SLC22A31: variants seen among roughly 807,000 people sequenced by gnomAD.
The protein encoded by SLC22A31 is putative solute carrier family 22 member 31.
SLC22A31 carries 42 observed loss-of-function variants against 27.4 expected under a neutral mutation model. The ratio of observed to expected loss-of-function variants is 1.53; its 90% CI spans 1.20 to 1.98. The LOEUF is 1.98. Among genes scored for constraint, SLC22A31 ranks in the 30% most tolerant of loss-of-function variants. The pLI is 0.00. For synonymous variants in SLC22A31, 290 were observed against 230.8 expected, an observed-to-expected ratio of 1.26 and a Z score of -2.33; for missense variants, 593 against 479.9, an observed-to-expected ratio of 1.24 and a Z score of -2.20.
chr16:89,200,144 T>A, intron 1 of SLC22A31: 1 of 225,360 alleles, frequency 4.4e-6, no homozygotes, highest in Non-Finnish European at 8.6e-6. Flanking sequence ...TTCCACCTCC[T>A]ATTCCGAGGG....
Position 89,198,298 on chromosome 16 carries a change from C to T in SLC22A31, c.746G>A (p.Ser249Asn). ...GAAGGTCGGCACCTGAGGTGCCAGG[C>T]TGCGGCGGAAGCTAGCTCTGATGCC... ...GGGIRASFRR[S>N]LAPQVPTFYL... The change falls in exon 7 of 9, where the codon AGC becomes AAC. Residue 249 changes from serine (S) to asparagine (N), a missense_variant. By Grantham distance (46) the Ser-to-Asn change is conservative. Transcript: ENST00000682282. 3.3e-6 allele frequency: 5 copies of T among 1,535,942 alleles called. No individual in the cohort carries two copies. Among genetic ancestry groups the T allele is most frequent in the Non-Finnish European group, 4.4e-6 (5 of 1,146,902 alleles).
rs752089785 is a variant in SLC22A31 at position 89,197,324 on chromosome 16, C to G, written c.1008G>C (p.Ala336=). 2.6e-6 allele frequency: 4 copies of G among 1,535,784 alleles called. No homozygotes were observed. In the South Asian group the frequency reaches 3.6e-5, roughly 14 times the overall value. ...TGATCACCGTGGGGAAGACCTCGGC[C>G]GCGAAGAGGCTGCTGAGTGCGGACA... is the stretch of plus-strand genomic sequence containing the variant. The part of the protein sequence containing the change: ...RAVSALSSLF[A]AEVFPTVIRG... The change falls in exon 8 of 9, where the codon GCG becomes GCC. Residue 336 remains alanine (A), a synonymous_variant. Coordinates refer to ENST00000682282, the MANE Select transcript of SLC22A31 (RefSeq NM_001384763.1).
upstream of SLC22A31, chr16:89,201,051 T>G: frequency 2.8e-6 from 1 of 362,170 alleles, no homozygotes; most frequent in East Asian, 4.1e-5. Context: ...CAGGCCCAGA[T>G]TCAGCCCCCG....
chr16:89,197,128 C>T (rs1916019419), intron 8 of SLC22A31, among the ~76,000 whole-genome samples, 170 bp downstream of exon 8: 1 of 152,078 alleles, frequency 6.6e-6, no homozygotes, highest in South Asian at 2.1e-4. Context: ...AGCAGTGGCC[C>T]CCACCATCCA....
upstream of SLC22A31, chr16:89,201,676 T>G (rs1392942499): frequency 5.1e-6 from 2 of 393,892 alleles, no homozygotes; most frequent in African/African-American, 2.1e-5. Context: ...GGTCGCAGGC[T>G]GCGCTCGGGA....
rs2151613970 is a variant in SLC22A31, at chr16:89,199,111, G to A, written c.364C>T (p.Leu122=). Residue 122 remains leucine (L), a synonymous_variant, in exon 4 of 9, where the codon CTG becomes TTG. Transcript: ENST00000682282. The stretch of plus-strand genomic sequence containing the variant: ...TGCACAAGCGCAGCCAGGCCGGGCA[G>A]CAGCAGGGTGCCCACCACCGAGAAA... ...GLFSVVGTLL[L]PGLAALVQDW... 4 of 1,534,718 alleles carry A rather than the reference G, an allele frequency of 2.6e-6. No individual in the cohort carries two copies. Among genetic ancestry groups the A allele is most frequent in the Non-Finnish European group, 3.5e-6 (4 of 1,146,416 alleles).
At position 89,199,543 on chromosome 16, in the gene SLC22A31, C is replaced by A; in HGVS notation, c.153G>T (p.Val51=). 1 of 447,842 alleles carries A rather than the reference C, an allele frequency of 2.2e-6. No individual in the cohort carries two copies. Among genetic ancestry groups the A allele is most frequent in the African/African-American group, 2.0e-5 (1 of 50,954 alleles). 27.7% of individuals were successfully genotyped at this position (447,842 alleles called of 1,614,324 possible). A position where few individuals can be genotyped will look rare whatever the true frequency, so the allele number is the denominator to read the frequency against. ...GGCCTGTGGTCAGCACCAGGGAGGC[C>A]ACAAAAACTGCCCGGCGTCCAAACC... ...CDRFGRRAVF[V]ASLVLTTGLG... Residue 51 remains valine, a synonymous_variant, in exon 3 of 9, where the codon GTG becomes GTT. Transcript: ENST00000682282.
In SLC22A31 at chr16:89,200,471, A is replaced by T. The variant is rs1916477116; in HGVS notation, c.24+7T>A. Among the ~76,000 whole-genome samples the T allele has an allele frequency of 2.0e-5, 3 of 152,010 alleles. No individual in the cohort carries two copies. Among genetic ancestry groups the T allele is most frequent in the Admixed American group, 1.3e-4 (2 of 15,264 alleles). ...GCTATGCCCGAGATTTTACTTTCAA[A>T]CCTGACGTTTTGGGAAAGCTGATGG... On this transcript the variant is annotated splice_region_variant and intron_variant, in intron 1 of 8. Transcript: ENST00000682282.
At position 89,198,741 on chromosome 16, in the gene SLC22A31, G is replaced by A. The variant is rs1210842769; in HGVS notation, c.509C>T (p.Ala170Val). The A allele has an allele frequency of 6.5e-7, 1 of 1,535,660 alleles. No homozygotes were observed. Among genetic ancestry groups the A allele is most frequent in the African/African-American group, 1.4e-5 (1 of 73,046 alleles). The change falls in exon 5 of 9, where the codon GCT becomes GTT. Residue 170 changes from alanine (A) to valine (V), a missense_variant. Transcript: ENST00000682282. The stretch of plus-strand genomic sequence containing the variant: ...GCGCCACAGGATCTTCCTGGCTCGA[G>A]CTACCTGACCTGTGGCCAGCAGCCA... The part of the protein sequence containing the change: ...PCWLLATGQV[A>V]RARKILWRFA...
chr16:89,198,806 T>C lies in SLC22A31; in HGVS notation c.453-9A>G. The C allele has an allele frequency of 2.0e-6, 3 of 1,524,686 alleles. No homozygotes were observed. The highest frequency in any genetic ancestry group is 8.8e-7 in the Non-Finnish European group (1 of 1,138,022). 94.4% of individuals were successfully genotyped at this position (1,524,686 alleles called of 1,614,324 possible). A position where few individuals can be genotyped will look rare whatever the true frequency, so the allele number is the denominator to read the frequency against. ...GGAACAGGGCCGGGAACCTGCAGCG[T>C]TGGTGAGGATGCCCACGGCTCCCTC... On this transcript the variant is annotated splice_polypyrimidine_tract_variant and intron_variant, in intron 4 of 8. Transcript: ENST00000682282.
rs1399668868 is a variant in SLC22A31 at position 89,196,458 on chromosome 16, G to C, written c.1035-153C>G. 5.5e-5 allele frequency: 67 copies of C among 1,218,780 alleles called. 1 individual carries two copies. The South Asian group carries it at 6.8e-4, about 12-fold the overall frequency. The allele number at this position is 1,218,780 out of a possible 1,614,324, so 75.5% of individuals were successfully genotyped here. Reference sequence around the variant, plus strand: ...ACCCGGCCCCCAGCACCAGGCCCAGGCCGGCCCCTCTGTGGGAGAGAGTGC... The same window carrying C: ...ACCCGGCCCCCAGCACCAGGCCCAGCCCGGCCCCTCTGTGGGAGAGAGTGC... On this transcript the variant is annotated intron_variant, in intron 8 of 8. Coordinates refer to ENST00000682282, the MANE Select transcript of SLC22A31 (RefSeq NM_001384763.1).
At position 89,197,368 on chromosome 16, in the gene SLC22A31, G is replaced by GTC. The variant is rs1056906851; in HGVS notation, c.963_964insGA (p.Leu322AspfsTer23). On this transcript the variant is annotated frameshift_variant, in exon 8 of 9. Transcript: ENST00000682282. LOFTEE classifies it high-confidence loss of function. Reference sequence around the variant, plus strand: ...GCGGACACAGCCCGGGAGGCCAGGAGCCCCAGGACAGAGAGGAACAGCACA... The same window carrying GTC: ...GCGGACACAGCCCGGGAGGCCAGGAGTCCCCCAGGACAGAGAGGAACAGCACA... The GTC allele has an allele frequency of 5.2e-6, 8 of 1,535,762 alleles. No individual in the cohort carries two copies. The African/African-American group carries it at 8.2e-5, about 16-fold the overall frequency.
intron 3 of SLC22A31, 73 bp downstream of exon 3, chr16:89,199,335 CCTCGG>C: frequency 3.5e-6 from 3 of 854,336 alleles, no homozygotes; most frequent in Non-Finnish European, 5.2e-6. Context: ...AGCTCGGGGC[CCTCGG>C]CAAGGGAGCC....
chr16:89,196,087 A>AGTGGGGAGC lies in SLC22A31; in HGVS notation c.1244_1252dup (p.Arg415_Pro417dup). ...GTCCTGGCGGGGGCGGCCCCGCAGG[A>AGTGGGGAGC]GTGGGGAGCGGCGCAGGCGGTCGGC... is the stretch of plus-strand genomic sequence containing the variant. On this transcript the variant is annotated inframe_insertion, in exon 9 of 9. Coordinates refer to ENST00000682282, the MANE Select transcript of SLC22A31 (RefSeq NM_001384763.1). The AGTGGGGAGC allele has an allele frequency of 6.5e-7, 1 of 1,532,726 alleles. No individual in the cohort carries two copies. Among genetic ancestry groups the AGTGGGGAGC allele is most frequent in the South Asian group, 1.2e-5 (1 of 83,890 alleles). 94.9% of individuals were successfully genotyped at this position (1,532,726 alleles called of 1,614,324 possible).
rs1276571266 is a variant in SLC22A31, at chr16:89,198,530, G to A, written c.619C>T (p.Arg207Trp). 8 of 1,508,874 alleles carry A rather than the reference G, an allele frequency of 5.3e-6. No homozygotes were observed. Among genetic ancestry groups the A allele is most frequent in the African/African-American group, 4.1e-5 (3 of 72,598 alleles). The allele number at this position is 1,508,874 out of a possible 1,614,324, so 93.5% of individuals were successfully genotyped here. Residue 207 changes from arginine to tryptophan, a missense_variant, in exon 6 of 9, where the codon CGG becomes TGG. Arg to Trp is a moderately radical substitution (Grantham distance 101). Transcript: ENST00000682282. ...GAGTGGTACCGGGGCTGGGGGCTCC[G>A]TGCAGACAGCATGGTCAGCTCTGTA... ...LATELTMLSA[R>W]SPQPRYHSPL...
rs551295967 is a variant in SLC22A31, at chr16:89,198,933, C to T, written c.452+90G>A. On this transcript the variant is annotated intron_variant, in intron 4 of 8. Coordinates refer to ENST00000682282, the MANE Select transcript of SLC22A31 (RefSeq NM_001384763.1). The stretch of plus-strand genomic sequence containing the variant: ...GTTCTCTGTGACCCTGTAACCCATG[C>T]GTTTACCTGGCATGGGATACGTCGG... The T allele has an allele frequency of 7.1e-5, 106 of 1,494,146 alleles. No homozygotes were observed. In the African/African-American group the frequency reaches 8.2e-4, roughly 12 times the overall value. 92.6% of individuals were successfully genotyped at this position (1,494,146 alleles called of 1,614,324 possible).
chr16:89,199,610 C>T (rs913754970), intron 2 of SLC22A31, 43 bp from the exon 3 acceptor site: 9 of 416,528 alleles, frequency 2.2e-5, no homozygotes, highest in Non-Finnish European at 3.0e-5. Context: ...GTCAGGATAA[C>T]CCAGGGTCCA....
Position 89,195,905 on chromosome 16 carries a change from A to C in SLC22A31, c.*94T>G. 1 of 1,320,548 alleles carries C rather than the reference A, an allele frequency of 7.6e-7. No individual in the cohort carries two copies. Among genetic ancestry groups the C allele is most frequent in the Non-Finnish European group, 1.0e-6 (1 of 999,124 alleles). 81.8% of individuals were successfully genotyped at this position (1,320,548 alleles called of 1,614,324 possible). A position where few individuals can be genotyped will look rare whatever the true frequency, so the allele number is the denominator to read the frequency against. ...ACTGAGACACGGGCTTCTGAGAGGAATGTGTCTGCCCTGGACCAGACGTCT... is the reference window on the plus strand; with the variant it reads ...ACTGAGACACGGGCTTCTGAGAGGACTGTGTCTGCCCTGGACCAGACGTCT... On this transcript the variant is annotated 3_prime_UTR_variant, in exon 9 of 9. Coordinates refer to ENST00000682282, the MANE Select transcript of SLC22A31 (RefSeq NM_001384763.1).
At chr16:89,197,251 G>T (rs1364552586) in intron 8 of SLC22A31, 47 bp downstream of exon 8, 2 of 1,450,762 alleles carry the variant, frequency 1.4e-6, no homozygotes, top group Non-Finnish European at 1.9e-6. Flanking sequence ...TCCTCCCCAT[G>T]AGAGGCCCTG....
Sources: allele counts gnomAD v4.1 joint callset (sites outside exome capture counted in the v4.1 genomes callset), GRCh38; gene constraint gnomAD v4.1.1; transcripts MANE v1.5; gene names NCBI Gene and HGNC (gene_info 2026-07-23, HGNC 2026-07-21).